The following CDC42BPA variants were observed in gnomAD, a reference collection of about 807,000 sequenced individuals.
CDC42BPA encodes the protein CDC42 binding protein kinase alpha.
In CDC42BPA, 80 loss-of-function variants were observed where a neutral mutation model predicts 223.5. The observed-to-expected ratio is 0.36, with a 90% CI of 0.30 to 0.43. The LOEUF is 0.43. CDC42BPA is among the 20% of genes least tolerant of loss of function. CDC42BPA has a pLI of 1.00. For missense variants in CDC42BPA, 1,743 were observed against 2,099.9 expected, an observed-to-expected ratio of 0.83 and a Z score of 3.32; for synonymous variants, 694 against 718.6, an observed-to-expected ratio of 0.97 and a Z score of 0.55.
intron 1 of CDC42BPA, among the ~76,000 whole-genome samples, chr1:227,284,995 G>A (rs893762465): frequency 2.0e-5 from 3 of 151,242 alleles, no homozygotes; most frequent in African/African-American, 7.3e-5. Flanking sequence ...CTTTGTTCTG[G>A]ATCAAAGCAT....
chr1:227,216,876 T>A (rs1674952267), intron 2 of CDC42BPA, among the ~76,000 whole-genome samples: 1 of 152,152 alleles, frequency 6.6e-6, no homozygotes, highest in South Asian at 2.1e-4. Context: ...AAACATGATG[T>A]TAGAAAACCT....
intron 14 of CDC42BPA, among the ~76,000 whole-genome samples, chr1:227,102,295 C>T (rs899398355): frequency 1.3e-5 from 2 of 152,086 alleles, no homozygotes; most frequent in Admixed American, 1.3e-4. Context: ...CAATATTAAC[C>T]ATTTATCGAA....
intron 5 of CDC42BPA, 54 bp downstream of exon 5, chr1:227,193,732 T>C: frequency 7.3e-7 from 1 of 1,365,240 alleles, no homozygotes; most frequent in South Asian, 1.7e-5. Context: ...TAGGCCTCTG[T>C]TGCTAGATAT....
Position 227,317,260 on chromosome 1 carries a change from G to T in CDC42BPA, c.-78C>A. Reference sequence around the variant, plus strand: ...TATTATCTGAACCTAAATTTTAAAAGGTATGGTTTTAAAAATAAACCACTT... The same window carrying T: ...TATTATCTGAACCTAAATTTTAAAATGTATGGTTTTAAAAATAAACCACTT... On this transcript the variant is annotated 5_prime_UTR_variant, in exon 1 of 37. Transcript: ENST00000366766. 2.1e-6 allele frequency: 3 copies of T among 1,459,722 alleles called. No homozygotes were observed. Among genetic ancestry groups the T allele is most frequent in the Non-Finnish European group, 2.8e-6 (3 of 1,078,488 alleles). The allele number at this position is 1,459,722 out of a possible 1,614,324, so 90.4% of individuals were successfully genotyped here. A position where few individuals can be genotyped will look rare whatever the true frequency, so the allele number is the denominator to read the frequency against.
At chr1:227,053,114 AT>A (rs1161072761) in intron 21 of CDC42BPA, among the ~76,000 whole-genome samples, 1 of 152,198 alleles carries the variant, frequency 6.6e-6, no homozygotes, top group Admixed American at 6.5e-5. Context: ...AAGGGCACAA[AT>A]TGTTTTCTCA....
intron 21 of CDC42BPA, among the ~76,000 whole-genome samples, chr1:227,068,307 G>A (rs1677525820): frequency 6.7e-6 from 1 of 150,118 alleles, no homozygotes; most frequent in Non-Finnish European, 1.5e-5. Flanking sequence ...GAAAAGAAAA[G>A]GGAAAAGTAA....
intron 2 of CDC42BPA, among the ~76,000 whole-genome samples, chr1:227,250,460 C>G (rs1681775201): frequency 6.6e-6 from 1 of 151,816 alleles, no homozygotes; most frequent in Non-Finnish European, 1.5e-5. Flanking sequence ...TGCACTCCAG[C>G]CTGGGCGACA....
At chr1:227,314,382 CCT>C (rs1372902792) in intron 1 of CDC42BPA, among the ~76,000 whole-genome samples, 13 of 152,138 alleles carry the variant, frequency 8.5e-5, no homozygotes, top group African/African-American at 2.9e-4. Flanking sequence ...TTGGCTTAAT[CCT>C]CTCTTTCTCT....
chr1:227,025,460 C>CTA (rs1053743467), intron 31 of CDC42BPA, among the ~76,000 whole-genome samples: 6 of 152,106 alleles, frequency 3.9e-5, no homozygotes, highest in East Asian at 3.9e-4. Flanking sequence ...ATCATACATG[C>CTA]TATATATATA....
At chr1:227,232,352 T>G (rs1457543925) in intron 2 of CDC42BPA, among the ~76,000 whole-genome samples, 4 of 152,210 alleles carry the variant, frequency 2.6e-5, no homozygotes, top group African/African-American at 9.7e-5. Flanking sequence ...TCTGTTTTGG[T>G]ACCAGTACCA....
At chr1:227,134,975 T>C (rs73102915) in intron 10 of CDC42BPA, among the ~76,000 whole-genome samples, 23,504 of 152,246 alleles carry the variant, frequency 0.15, 2,199 homozygotes, top group African/African-American at 0.25. Context: ...AAAACATCTT[T>C]GGTTTATTTT....
rs541980663 is a variant in CDC42BPA, at chr1:227,014,778, G to A, written c.4857+1302C>T. ...ATATGAATTATACTTAAAATTCTGC[G>A]CAAAATTTAGCAGCTATCACTACCA... On this transcript the variant is annotated intron_variant, in intron 34 of 36. Coordinates refer to ENST00000366766, the MANE Select transcript of CDC42BPA (RefSeq NM_001394014.1). 5.3e-5 allele frequency among the ~76,000 whole-genome samples: 8 copies of A among 152,138 alleles called. No homozygotes were observed. The South Asian group carries it at 1.0e-3, about 20-fold the overall frequency.
chr1:227,059,325 G>C lies in CDC42BPA; in HGVS notation c.2905-7340C>G, dbSNP rs764385710. 6.7e-6 allele frequency: 10 copies of C among 1,489,098 alleles called. No individual in the cohort carries two copies. The South Asian group carries it at 1.2e-4, about 18-fold the overall frequency. The allele number at this position is 1,489,098 out of a possible 1,614,324, so 92.2% of individuals were successfully genotyped here. A position where few individuals can be genotyped will look rare whatever the true frequency, so the allele number is the denominator to read the frequency against. On this transcript the variant is annotated intron_variant, in intron 21 of 36. Transcript: ENST00000366766. ...CAATCACAGGCAAAAGGATGAGAGA[G>C]GGGTAAAAGGCCTCAGGATGGGTAC...
At chr1:227,248,378 A>C (rs2063667) in intron 2 of CDC42BPA, among the ~76,000 whole-genome samples, 44,943 of 151,280 alleles carry the variant, frequency 0.3, 6,812 homozygotes, top group East Asian at 0.37. Flanking sequence ...CACACACACA[A>C]AAAAACTTAT....
chr1:227,308,124 T>C (rs1454184427), intron 1 of CDC42BPA, among the ~76,000 whole-genome samples: 1 of 152,226 alleles, frequency 6.6e-6, no homozygotes, highest in Non-Finnish European at 1.5e-5. Flanking sequence ...AATAGTTATT[T>C]ACATCCTTAT....
At chr1:227,000,075 G>A (rs1662475987) in intron 35 of CDC42BPA, among the ~76,000 whole-genome samples, 1 of 149,446 alleles carries the variant, frequency 6.7e-6, no homozygotes, top group Non-Finnish European at 1.5e-5. Context: ...TTCTACACAT[G>A]TATCCCAGAA....
intron 1 of CDC42BPA, among the ~76,000 whole-genome samples, chr1:227,303,854 C>G (rs4653816): frequency 0.098 from 14,866 of 152,144 alleles, 1,169 homozygotes; most frequent in East Asian, 0.36. Flanking sequence ...TAGTGAATTG[C>G]AGAAGGAAAT....
At chr1:227,220,959 C>T (rs766835095) in intron 2 of CDC42BPA, among the ~76,000 whole-genome samples, 4 of 152,170 alleles carry the variant, frequency 2.6e-5, no homozygotes, top group Non-Finnish European at 4.4e-5. Flanking sequence ...CTCCAAAAAG[C>T]ACATTTTGAA....
At chr1:227,090,438 G>C (rs183706825) in intron 16 of CDC42BPA, among the ~76,000 whole-genome samples, 1 of 152,158 alleles carries the variant, frequency 6.6e-6, no homozygotes, top group Admixed American at 6.5e-5. Flanking sequence ...GAAAATACTA[G>C]ATATCATTAT....
Sources: allele counts gnomAD v4.1 joint callset (sites outside exome capture counted in the v4.1 genomes callset), GRCh38; gene constraint gnomAD v4.1.1; transcripts MANE v1.5; gene names NCBI Gene and HGNC (gene_info 2026-07-23, HGNC 2026-07-21).